Variants in GRM5 observed in about 807,000 individuals in gnomAD.
GRM5 encodes the protein metabotropic glutamate receptor 5.
A neutral mutation model predicts 83.1 loss-of-function variants in GRM5; 19 were observed. The observed-to-expected ratio is 0.23, with a 90% CI of 0.16 to 0.34. GRM5 has a LOEUF of 0.34. Ranked by LOEUF, GRM5 falls within the 10% of genes least tolerant of loss-of-function variation. The pLI is 1.00. For missense variants in GRM5, 1,160 were observed against 1,588.3 expected (o/e 0.73, Z 4.58); for synonymous variants, 675 against 633.6 (o/e 1.07, Z -0.98).
At chr11:88,798,271 T>C (rs1358586390) in intron 3 of GRM5, among the ~76,000 whole-genome samples, 2 of 152,206 alleles carry the variant, frequency 1.3e-5, no homozygotes, top group African/African-American at 2.4e-5. Flanking sequence ...ATCCTCTTCA[T>C]TTGTCTGAAA....
chr11:88,922,751 C>T (rs1424399873), intron 2 of GRM5, among the ~76,000 whole-genome samples: 1 of 152,030 alleles, frequency 6.6e-6, no homozygotes, highest in Admixed American at 6.6e-5. Flanking sequence ...TTAAAAATCT[C>T]CTTCACAGCA....
intron 2 of GRM5, among the ~76,000 whole-genome samples, chr11:88,888,268 T>G (rs1039199932): frequency 1.3e-5 from 2 of 152,156 alleles, no homozygotes; most frequent in African/African-American, 2.4e-5. Flanking sequence ...ATGTTGCTCC[T>G]AAGCCAAACC....
chr11:88,732,705 A>G (rs753729812), intron 3 of GRM5, among the ~76,000 whole-genome samples: 1 of 152,030 alleles, frequency 6.6e-6, no homozygotes, highest in Non-Finnish European at 1.5e-5. Flanking sequence ...AGATAAAGAG[A>G]CTTCTGATTA....
intron 1 of GRM5, among the ~76,000 whole-genome samples, chr11:89,053,601 T>C (rs561837376): frequency 6.6e-6 from 1 of 152,158 alleles, no homozygotes; most frequent in South Asian, 2.1e-4. Flanking sequence ...ATGGAGCCTG[T>C]ATTCGAAGAG....
chr11:88,518,090 T>C (rs1330643631), intron 9 of GRM5, among the ~76,000 whole-genome samples: 1 of 151,968 alleles, frequency 6.6e-6, no homozygotes, highest in Non-Finnish European at 1.5e-5. Flanking sequence ...AGTATTCCTG[T>C]TACATTTCTG....
intron 8 of GRM5, 114 bp downstream of exon 8, chr11:88,566,939 C>T (rs1198152070): frequency 1.5e-6 from 1 of 676,792 alleles, no homozygotes; most frequent in Non-Finnish European, 2.5e-6. Context: ...GTAAGTCACC[C>T]TGCCTCACAT....
intron 4 of GRM5, among the ~76,000 whole-genome samples, chr11:88,617,817 G>C (rs1008175031): frequency 6.6e-6 from 1 of 152,180 alleles, no homozygotes; most frequent in African/African-American, 2.4e-5. Context: ...CAGAAAGTGA[G>C]AGGCAGAGGT....
intron 2 of GRM5, among the ~76,000 whole-genome samples, chr11:88,896,273 T>A (rs1025372310): frequency 1.3e-5 from 2 of 151,862 alleles, no homozygotes; most frequent in Non-Finnish European, 2.9e-5. Flanking sequence ...AGAGAAGCAT[T>A]TCAAACTTTC....
intron 3 of GRM5, among the ~76,000 whole-genome samples, chr11:88,810,588 A>C (rs6483475): frequency 0.49 from 74,320 of 151,894 alleles, 21,440 homozygotes; most frequent in African/African-American, 0.76. Context: ...AAGAAGGCAT[A>C]AACAGGCAGA....
chr11:88,890,429 T>A (rs940233544), intron 2 of GRM5, among the ~76,000 whole-genome samples: 13 of 152,112 alleles, frequency 8.5e-5, no homozygotes, highest in Non-Finnish European at 1.8e-4. Flanking sequence ...TGAAAACTCT[T>A]ACAAGTGCTG....
chr11:88,648,335 G>T (rs1432461711), intron 4 of GRM5, among the ~76,000 whole-genome samples: 2 of 147,906 alleles, frequency 1.4e-5, no homozygotes, highest in African/African-American at 2.5e-5. Context: ...AAAAAATGAT[G>T]AGTTCATGTC....
chr11:88,878,678 C>T (rs1283921804), intron 2 of GRM5, among the ~76,000 whole-genome samples: 2 of 152,154 alleles, frequency 1.3e-5, no homozygotes, highest in Non-Finnish European at 2.9e-5. Context: ...AAAGACTGTA[C>T]TCATGAGACT....
chr11:88,751,564 CA>C (rs1329477888), intron 3 of GRM5, among the ~76,000 whole-genome samples: 10 of 152,094 alleles, frequency 6.6e-5, no homozygotes, highest in Non-Finnish European at 1.5e-4. Flanking sequence ...GAAACTATTC[CA>C]AACAATTGAA....
rs555645942 is a variant in GRM5, at chr11:88,761,238, G to A, written c.911+88668C>T. ...ACAGAAAGAAATAAAGGGCATCCAA[G>A]TAGGAAGAGAGGAAGTCAAACTATC... On this transcript the variant is annotated intron_variant, in intron 3 of 9. Coordinates refer to ENST00000305447, the MANE Select transcript of GRM5 (RefSeq NM_001143831.3). 3.0e-4 allele frequency among the ~76,000 whole-genome samples: 46 copies of A among 152,076 alleles called. No individual in the cohort carries two copies. In the South Asian group the frequency reaches 9.3e-3, roughly 31 times the overall value.
intron 2 of GRM5, among the ~76,000 whole-genome samples, chr11:88,947,404 T>C (rs1434054471): frequency 6.6e-6 from 1 of 152,134 alleles, no homozygotes; most frequent in African/African-American, 2.4e-5. Context: ...AAATGCAAAA[T>C]CCTCACTAGG....
At chr11:88,659,659 A>C (rs533582249) in intron 3 of GRM5, among the ~76,000 whole-genome samples, 6 of 152,228 alleles carry the variant, frequency 3.9e-5, no homozygotes, top group Non-Finnish European at 8.8e-5. Context: ...TTATAAAATA[A>C]TTATGATAGG....
At chr11:88,808,010 A>G (rs183175706) in intron 3 of GRM5, among the ~76,000 whole-genome samples, 17 of 152,130 alleles carry the variant, frequency 1.1e-4, no homozygotes, top group Non-Finnish European at 5.9e-5. Flanking sequence ...TAGAATATTC[A>G]TTTATAAATT....
chr11:88,584,726 G>A (rs1323325974), intron 7 of GRM5, among the ~76,000 whole-genome samples: 3 of 152,186 alleles, frequency 2.0e-5, no homozygotes, highest in African/African-American at 7.2e-5. Flanking sequence ...TTACAGGCAT[G>A]AGCCACTGCA....
At position 88,597,167 on chromosome 11, in the gene GRM5, C is replaced by T. The variant is rs756539169; in HGVS notation, c.1563+17G>A. The stretch of plus-strand genomic sequence containing the variant: ...GAATTTACAACAAAAATGAAAGAAA[C>T]ATAGATTCCATTTTACCTTGATCTG... On this transcript the variant is annotated intron_variant, in intron 6 of 9. Coordinates refer to ENST00000305447, the MANE Select transcript of GRM5 (RefSeq NM_001143831.3). 1.8e-5 allele frequency: 27 copies of T among 1,477,138 alleles called. No homozygotes were observed. The highest frequency in any genetic ancestry group is 5.7e-5 in the African/African-American group (4 of 70,150). The allele number at this position is 1,477,138 out of a possible 1,614,324, so 91.5% of individuals were successfully genotyped here.
Sources: gnomAD v4.1 joint callset for allele counts (sites outside exome capture counted in the v4.1 genomes callset) on GRCh38, gnomAD v4.1.1 for gene constraint, MANE v1.5 for transcripts, NCBI Gene and HGNC (gene_info 2026-07-23, HGNC 2026-07-21) for gene names.